Variants in SUGP1 observed in about 807,000 individuals in gnomAD.
SUGP1 encodes the protein SURP and G-patch domain-containing protein 1.
A neutral mutation model predicts 76.5 loss-of-function variants in SUGP1; 34 were observed. The observed-to-expected ratio is 0.44, with a 90% CI of 0.34 to 0.59. The LOEUF is 0.59. Among genes scored for constraint, SUGP1 ranks in the 20% least tolerant of loss-of-function variants. The probability of loss-of-function intolerance (pLI) is 0.01; values close to 1 mark genes in which losing one functional copy is unlikely to be tolerated. For synonymous variants in SUGP1, 326 were observed against 326.2 expected, an observed-to-expected ratio of 1.00 and a Z score of 0.01; for missense variants, 752 against 851.7, an observed-to-expected ratio of 0.88 and a Z score of 1.46.
At chr19:19,291,242 G>A (rs754523373) in intron 8 of SUGP1, among the ~76,000 whole-genome samples, 5 of 152,164 alleles carry the variant, frequency 3.3e-5, no homozygotes, top group Non-Finnish European at 5.9e-5. Context: ...AAATAGTAAA[G>A]TTTAGAGTGG....
At chr19:19,303,622 G>T in intron 5 of SUGP1, 102 bp downstream of exon 5, 3 of 1,485,522 alleles carry the variant, frequency 2.0e-6, no homozygotes, top group Non-Finnish European at 2.8e-6. Flanking sequence ...AAAACGCTTG[G>T]AACAGCATCC....
At chr19:19,292,006 T>C (rs988808841) in intron 8 of SUGP1, among the ~76,000 whole-genome samples, 1 of 151,612 alleles carries the variant, frequency 6.6e-6, no homozygotes, top group Admixed American at 6.6e-5. Context: ...CGTGCAGTGA[T>C]TCATGCCTGT....
At chr19:19,298,466 C>T (rs1206643676) in intron 7 of SUGP1, among the ~76,000 whole-genome samples, 3 of 152,136 alleles carry the variant, frequency 2.0e-5, no homozygotes, top group African/African-American at 7.2e-5. Flanking sequence ...CCACTGCACT[C>T]CAGCCTGGAC....
intron 2 of SUGP1, among the ~76,000 whole-genome samples, chr19:19,315,690 T>C (rs1396616543): frequency 7.2e-5 from 11 of 152,202 alleles, no homozygotes; most frequent in Admixed American, 6.5e-4. Flanking sequence ...CAGCTCCACC[T>C]GGGCTTTCAG....
At chr19:19,293,492 G>A (rs572831856) in intron 8 of SUGP1, among the ~76,000 whole-genome samples, 1 of 152,044 alleles carries the variant, frequency 6.6e-6, no homozygotes, top group South Asian at 2.1e-4. Context: ...GCTGAGGCAG[G>A]AGAATTGCTT....
rs577199542 is a variant in SUGP1, at chr19:19,305,922, C to A, written c.465G>T (p.Ala155=). 10 of 1,613,592 alleles carry A rather than the reference C, an allele frequency of 6.2e-6. No homozygotes were observed. The highest frequency in any genetic ancestry group is 1.7e-4 in the Middle Eastern group (1 of 6,058). ...GGGACTGGAAGACACTCGGGCGGTG[C>A]GCCACGGGCAGCTGCTTGGCGTGGG... ...SYSHAKQLPV[A]HRPSVFQSPD... Residue 155 remains alanine, a synonymous_variant, in exon 4 of 14, where the codon GCG becomes GCT. Transcript: ENST00000247001.
intron 11 of SUGP1, 95 bp downstream of exon 11, chr19:19,278,595 G>A: frequency 9.3e-7 from 1 of 1,074,190 alleles, no homozygotes; most frequent in Non-Finnish European, 1.4e-6. Flanking sequence ...TGATCGAGAG[G>A]GTAGCCAGGC....
Position 19,280,272 on chromosome 19 carries a change from G to T in SUGP1, c.1263C>A (p.Leu421=). The T allele has an allele frequency of 1.9e-6, 3 of 1,613,850 alleles. No individual in the cohort carries two copies. Among genetic ancestry groups the T allele is most frequent in the Non-Finnish European group, 2.5e-6 (3 of 1,179,968 alleles). The stretch of plus-strand genomic sequence containing the variant: ...CCACAGGCTTCCCCTTCTCATAGCC[G>T]AGCCCCTTGAGGTCCTGAACTGGAA... ...SPLSVQDLKG[L]GYEKGKPVGL... The change falls in exon 9 of 14, where the codon CTC becomes CTA. Residue 421 remains leucine (L), a synonymous_variant. Coordinates refer to ENST00000247001, the MANE Select transcript of SUGP1 (RefSeq NM_172231.4).
intron 1 of SUGP1, among the ~76,000 whole-genome samples, chr19:19,318,252 G>C (rs2061410094): frequency 6.6e-6 from 1 of 151,212 alleles, no homozygotes; most frequent in Non-Finnish European, 1.5e-5. Context: ...CGAGTATCTG[G>C]GACTACAGGC....
intron 2 of SUGP1, among the ~76,000 whole-genome samples, chr19:19,312,806 T>C (rs1035559318): frequency 4.0e-5 from 6 of 150,542 alleles, no homozygotes; most frequent in Non-Finnish European, 8.9e-5. Flanking sequence ...GCTAAAACAG[T>C]GAAACCCCGT....
At chr19:19,298,929 C>T (rs543466920) in intron 7 of SUGP1, among the ~76,000 whole-genome samples, 13 of 152,032 alleles carry the variant, frequency 8.6e-5, no homozygotes, top group Admixed American at 1.3e-4. Flanking sequence ...GAGGGTCTGC[C>T]CATCTCGGGG....
chr19:19,304,011 G>C (rs769468021), intron 4 of SUGP1, 164 bp from the exon 5 acceptor site: 8 of 1,590,178 alleles, frequency 5.0e-6, no homozygotes, highest in South Asian at 1.1e-5. Flanking sequence ...CATGACGAGG[G>C]GGGAGTCGGT....
At chr19:19,284,460 TA>T (rs879445979) in intron 8 of SUGP1, among the ~76,000 whole-genome samples, 419 of 143,716 alleles carry the variant, frequency 2.9e-3, no homozygotes, top group Middle Eastern at 7.0e-3. Context: ...GGACCACTGT[TA>T]AAAAAAAAAA....
chr19:19,279,002 G>A (rs770069471), intron 10 of SUGP1, among the ~76,000 whole-genome samples: 11 of 152,148 alleles, frequency 7.2e-5, no homozygotes, highest in Non-Finnish European at 1.6e-4. Context: ...CCACCCTCAC[G>A]ATGTCAGGAC....
rs905879868 is a variant in SUGP1, at chr19:19,279,510, T to C, written c.1351-120A>G. ...CCGGAACGTGGCTCATCTGGACCCCTGGGCAGGACTGGAGCAAGGACTCTA... is the reference window on the plus strand; with the variant it reads ...CCGGAACGTGGCTCATCTGGACCCCCGGGCAGGACTGGAGCAAGGACTCTA... On this transcript the variant is annotated intron_variant, in intron 9 of 13. Transcript: ENST00000247001. 6.4e-6 allele frequency: 7 copies of C among 1,087,038 alleles called. No homozygotes were observed. In the Admixed American group the frequency reaches 1.6e-4, roughly 25 times the overall value. 67.3% of individuals were successfully genotyped at this position (1,087,038 alleles called of 1,614,324 possible). A position where few individuals can be genotyped will look rare whatever the true frequency, so the allele number is the denominator to read the frequency against.
chr19:19,298,587 G>A (rs1246624893), intron 7 of SUGP1, among the ~76,000 whole-genome samples: 1 of 152,160 alleles, frequency 6.6e-6, no homozygotes, highest in African/African-American at 2.4e-5. Context: ...CTAACATCCG[G>A]TACCTCAAGA....
At chr19:19,312,857 G>C (rs1390836918) in intron 2 of SUGP1, among the ~76,000 whole-genome samples, 1 of 151,852 alleles carries the variant, frequency 6.6e-6, no homozygotes, top group Non-Finnish European at 1.5e-5. Flanking sequence ...GGGCATGGTG[G>C]GGGGCACCTG....
chr19:19,289,907 T>C (rs2061168883), intron 8 of SUGP1, among the ~76,000 whole-genome samples: 1 of 152,054 alleles, frequency 6.6e-6, no homozygotes, highest in Admixed American at 6.6e-5. Flanking sequence ...CCTATGTGAC[T>C]CTTCATCTGA....
intron 3 of SUGP1, among the ~76,000 whole-genome samples, chr19:19,306,549 G>A (rs555316837): frequency 2.0e-5 from 3 of 152,370 alleles, no homozygotes; most frequent in South Asian, 4.1e-4. Flanking sequence ...ATTTGGCCTT[G>A]GGTTAACTTT....
Sources: allele counts gnomAD v4.1 joint callset (sites outside exome capture counted in the v4.1 genomes callset), GRCh38; gene constraint gnomAD v4.1.1; transcripts MANE v1.5; gene names NCBI Gene and HGNC (gene_info 2026-07-23, HGNC 2026-07-21).